ETFA: variants seen among roughly 807,000 people sequenced by gnomAD.
The protein encoded by ETFA is electron transfer flavoprotein subunit alpha, also known as electron transfer flavoprotein subunit alpha, mitochondrial.
In ETFA, 22 loss-of-function variants were observed where a neutral mutation model predicts 46.2. The observed-to-expected ratio is 0.48, with a 90% confidence interval of 0.34 to 0.68. The LOEUF (loss-of-function observed/expected upper bound fraction) is 0.68. ETFA is among the 30% of genes least tolerant of loss of function. The pLI is 0.01. For synonymous variants in ETFA, 131 were observed against 139.9 expected, an observed-to-expected ratio of 0.94 and a Z score of 0.45; for missense variants, 345 against 401.1, an observed-to-expected ratio of 0.86 and a Z score of 1.19.
chr15:76,245,775 T>C (rs2039237351), intron 9 of ETFA, among the ~76,000 whole-genome samples: 1 of 152,204 alleles, frequency 6.6e-6, no homozygotes, highest in South Asian at 2.1e-4. Context: ...GCAATATGCT[T>C]ATATGTTCAG....
At chr15:76,308,004 CAT>C (rs892226618) in intron 1 of ETFA, among the ~76,000 whole-genome samples, 2 of 151,840 alleles carry the variant, frequency 1.3e-5, no homozygotes, top group Admixed American at 1.3e-4. Flanking sequence ...ATATCACAAA[CAT>C]ATATATGTAA....
At position 76,282,691 on chromosome 15, in the gene ETFA, C is replaced by G. The variant is rs117754759; in HGVS notation, c.733+1066G>C. ...ATAGAAATTTCGCACAGGAAAACCA[C>G]AGAAAGTTACAGGAAAACCCTCGAA... is the stretch of plus-strand genomic sequence containing the variant. On this transcript the variant is annotated intron_variant, in intron 8 of 11. Coordinates refer to ENST00000557943, the MANE Select transcript of ETFA (RefSeq NM_000126.4). Among the ~76,000 whole-genome samples the G allele has an allele frequency of 3.9e-3, 595 of 152,194 alleles. 3 individuals carry two copies. The highest frequency in any genetic ancestry group is 0.02 in the Middle Eastern group (6 of 294).
intron 9 of ETFA, among the ~76,000 whole-genome samples, chr15:76,272,176 A>T (rs1468699270): frequency 6.6e-6 from 1 of 151,930 alleles, no homozygotes; most frequent in African/African-American, 2.4e-5. Flanking sequence ...TGTCAGTCAA[A>T]ATAAGTCTCT....
At chr15:76,288,511 T>G (rs951166746) in intron 4 of ETFA, among the ~76,000 whole-genome samples, 6 of 151,946 alleles carry the variant, frequency 3.9e-5, no homozygotes, top group African/African-American at 7.3e-5. Flanking sequence ...TTGAGACCAA[T>G]GTGGCCAACA....
intron 1 of ETFA, among the ~76,000 whole-genome samples, chr15:76,302,428 C>T (rs1408028453): frequency 1.3e-5 from 2 of 149,790 alleles, no homozygotes; most frequent in African/African-American, 4.9e-5. Flanking sequence ...CTAATCCCAA[C>T]TATATGACAC....
At chr15:76,244,430 C>A (rs2039224967) in intron 9 of ETFA, among the ~76,000 whole-genome samples, 1 of 152,116 alleles carries the variant, frequency 6.6e-6, no homozygotes, top group East Asian at 1.9e-4. Context: ...TCCTTTCAGA[C>A]TAAGTTTGGT....
chr15:76,240,231 T>C (rs529920826), intron 9 of ETFA, among the ~76,000 whole-genome samples: 1 of 152,348 alleles, frequency 6.6e-6, no homozygotes, highest in East Asian at 1.9e-4. Context: ...GCAGGGGCCC[T>C]TATCTAGCCT....
At chr15:76,253,731 G>A (rs2039323615) in intron 9 of ETFA, among the ~76,000 whole-genome samples, 1 of 152,130 alleles carries the variant, frequency 6.6e-6, no homozygotes, top group Admixed American at 6.5e-5. Flanking sequence ...ATTTTGGATG[G>A]CCACAAGTGT....
In ETFA at chr15:76,216,453, A is replaced by G. The variant is rs999112929; in HGVS notation, c.*106T>C. On this transcript the variant is annotated 3_prime_UTR_variant, in exon 12 of 12. Coordinates refer to ENST00000557943, the MANE Select transcript of ETFA (RefSeq NM_000126.4). ...TTAGAAATTTTCCCTCAAATTATGA[A>G]ATGTAGCTCTCCATGCTTTCCAATG... The G allele has an allele frequency of 9.9e-6, 7 of 710,408 alleles. No homozygotes were observed. The African/African-American group carries it at 1.1e-4, about 11-fold the overall frequency. 44.0% of individuals were successfully genotyped at this position (710,408 alleles called of 1,614,324 possible).
At chr15:76,219,338 A>C (rs2038931880) in intron 11 of ETFA, among the ~76,000 whole-genome samples, 1 of 152,346 alleles carries the variant, frequency 6.6e-6, no homozygotes, top group East Asian at 1.9e-4. Context: ...AAATGGATCA[A>C]CAACCTAAAT....
intron 9 of ETFA, among the ~76,000 whole-genome samples, chr15:76,273,844 G>C (rs748553154): frequency 6.6e-6 from 1 of 152,120 alleles, no homozygotes; most frequent in Non-Finnish European, 1.5e-5. Flanking sequence ...ATTCAACTTT[G>C]AGACCAAAAT....
intron 10 of ETFA, chr15:76,230,874 G>C: frequency 6.0e-6 from 1 of 165,326 alleles, no homozygotes; most frequent in Non-Finnish European, 1.3e-5. Context: ...GCTGATATAT[G>C]AGATTGTGAG....
At chr15:76,275,356 G>A (rs985369076) in intron 8 of ETFA, among the ~76,000 whole-genome samples, 2 of 152,014 alleles carry the variant, frequency 1.3e-5, no homozygotes, top group African/African-American at 4.8e-5. Context: ...TAAAACTCAG[G>A]TTTTATTTAC....
At chr15:76,287,313 C>A (rs192831966) in intron 5 of ETFA, among the ~76,000 whole-genome samples, 3 of 152,216 alleles carry the variant, frequency 2.0e-5, no homozygotes, top group African/African-American at 7.2e-5. Flanking sequence ...CAGGCATATG[C>A]CAACATGCCT....
intron 1 of ETFA, 29 bp downstream of exon 1, chr15:76,311,321 C>G (rs1252120935): frequency 2.6e-6 from 4 of 1,551,934 alleles, no homozygotes; most frequent in Non-Finnish European, 3.5e-6. Context: ...GGGGCCGTCC[C>G]TGGGTTCGCC....
At chr15:76,246,432 C>T (rs941797325) in intron 9 of ETFA, among the ~76,000 whole-genome samples, 3 of 152,122 alleles carry the variant, frequency 2.0e-5, no homozygotes, top group African/African-American at 7.2e-5. Flanking sequence ...AACAGACAGC[C>T]AACATAATAC....
chr15:76,286,911 G>A (rs997269293), intron 5 of ETFA, among the ~76,000 whole-genome samples: 2 of 152,188 alleles, frequency 1.3e-5, no homozygotes, highest in Non-Finnish European at 2.9e-5. Context: ...TAAAGAACAG[G>A]TATGAATGTG....
At chr15:76,269,390 A>G (rs915911381) in intron 9 of ETFA, among the ~76,000 whole-genome samples, 5 of 152,112 alleles carry the variant, frequency 3.3e-5, no homozygotes, top group African/African-American at 9.7e-5. Context: ...CTTCTAGCAC[A>G]CCCATTATCT....
intron 11 of ETFA, among the ~76,000 whole-genome samples, chr15:76,223,856 A>G (rs2038980618): frequency 6.6e-6 from 1 of 152,250 alleles, no homozygotes; most frequent in South Asian, 2.1e-4. Flanking sequence ...ACTACAAAGA[A>G]GCTCCTGCCC....
Sources: allele counts gnomAD v4.1 joint callset (sites outside exome capture counted in the v4.1 genomes callset), GRCh38; gene constraint gnomAD v4.1.1; transcripts MANE v1.5; gene names NCBI Gene and HGNC (gene_info 2026-07-23, HGNC 2026-07-21).